The following SPTBN4 variants were observed in gnomAD, a reference collection of about 807,000 sequenced individuals.
SPTBN4 encodes the protein spectrin beta, non-erythrocytic 4.
In SPTBN4, 96 loss-of-function variants were observed where a neutral mutation model predicts 277.8. That is an observed-to-expected ratio of 0.35 (90% CI 0.29 to 0.41). The LOEUF is 0.41. Among genes scored for constraint, SPTBN4 ranks in the 10% least tolerant of loss-of-function variants. The pLI, the probability that SPTBN4 is intolerant of heterozygous loss-of-function variation, is 1.00. For synonymous variants in SPTBN4, 1,481 were observed against 1,580.3 expected, an observed-to-expected ratio of 0.94 and a Z score of 1.49; for missense variants, 3,006 against 3,595.7, an observed-to-expected ratio of 0.84 and a Z score of 4.19.
Position 40,497,549 on chromosome 19 carries a change from A to G in SPTBN4, c.729A>G (p.Arg243=), listed in dbSNP as rs1424248193. The stretch of plus-strand genomic sequence containing the variant: ...CCAATGCCAACTACAACCTGCAGAG[A>G]GCCTTCCGCACAGCTGAGCAGCACC... ...TKSNANYNLQ[R]AFRTAEQHLG... is the part of the protein sequence containing the mutation. The change falls in exon 7 of 36, where the codon AGA becomes AGG. Residue 243 remains arginine (R), a synonymous_variant. Transcript: ENST00000598249. The G allele has an allele frequency of 6.2e-7, 1 of 1,614,006 alleles. No individual in the cohort carries two copies. Among genetic ancestry groups the G allele is most frequent in the Non-Finnish European group, 8.5e-7 (1 of 1,180,002 alleles).
At chr19:40,520,242 G>A in intron 16 of SPTBN4, 91 bp downstream of exon 16, 1 of 1,275,146 alleles carries the variant, frequency 7.8e-7, no homozygotes, top group East Asian at 3.2e-5. Context: ...GGGGAGGAGG[G>A]TGTTTCCTGG....
At position 40,575,552 on chromosome 19, in the gene SPTBN4, A is replaced by G. The variant is rs761666154; in HGVS notation, c.7678A>G (p.Ser2560Gly). 12 of 1,610,896 alleles carry G rather than the reference A, an allele frequency of 7.4e-6. No homozygotes were observed. The Admixed American group carries it at 2.0e-4, about 27-fold the overall frequency. The change falls in exon 36 of 36, where the codon AGC becomes GGC. Residue 2560 changes from serine to glycine, a missense_variant. By Grantham distance (56) the Ser-to-Gly change is moderately conservative. Around this residue, in one of 5 missense-constraint regions of SPTBN4, gnomAD observed 630 missense variants for 677.6 expected, o/e 0.93. Transcript: ENST00000598249. Reference sequence around the variant, plus strand: ...GAGGGAAGGCGGAGATCGCAGGGCCAGCGGGCGCAGGAAGTGACTTCCCAC... The same window carrying G: ...GAGGGAAGGCGGAGATCGCAGGGCCGGCGGGCGCAGGAAGTGACTTCCCAC... ...PKREGGDRRA[S>G]GRRK
chr19:40,545,644 A>G (rs934761939), intron 20 of SPTBN4, among the ~76,000 whole-genome samples: 7 of 151,670 alleles, frequency 4.6e-5, no homozygotes, highest in African/African-American at 1.7e-4. Flanking sequence ...GCAGTGGCTC[A>G]CTCCTGTAAT....
rs534440556 is a variant in SPTBN4, at chr19:40,574,521, C to T, written c.7537-890C>T. Among the ~76,000 whole-genome samples, 392 of 152,064 alleles carry T rather than the reference C, an allele frequency of 2.6e-3. 2 individuals are homozygous for T. Among genetic ancestry groups the T allele is most frequent in the Non-Finnish European group, 3.9e-3 (267 of 67,994 alleles). ...GGATTACAGGCTTGCGCCACCATGC[C>T]CGGCTAATTTATGTATTTTTAGTAG... On this transcript the variant is annotated intron_variant, in intron 35 of 35. Transcript: ENST00000598249.
chr19:40,482,886 G>A (rs1421110930), intron 2 of SPTBN4, among the ~76,000 whole-genome samples: 3 of 152,002 alleles, frequency 2.0e-5, no homozygotes, highest in Non-Finnish European at 4.4e-5. Context: ...GCTTGAACCT[G>A]GGGGGTGGAG....
At position 40,519,468 on chromosome 19, in the gene SPTBN4, A is replaced by G. The variant is rs1048648954; in HGVS notation, c.2971A>G (p.Asn991Asp). The change falls in exon 16 of 36, where the codon AAC becomes GAC. Residue 991 changes from asparagine to aspartate, a missense_variant. Around this residue, in one of 5 missense-constraint regions of SPTBN4, gnomAD observed 1,759 missense variants for 2,061.5 expected, o/e 0.85. Coordinates refer to ENST00000598249, the MANE Select transcript of SPTBN4 (RefSeq NM_020971.3). This position sits in a 1 kb window ranked among gnomAD's most constrained non-coding sequence, Gnocchi z 5.7. The part of the protein sequence containing the change: ...EEMSAVLLVE[N>D]HVLEVAEVRA... ...AATGAGCGCGGTGCTGCTGGTGGAG[A>G]ACCACGTGCTGGAGGTGGCCGAGGT... 1.9e-6 allele frequency: 3 copies of G among 1,607,274 alleles called. No homozygotes were observed. In the African/African-American group the frequency reaches 4.0e-5, roughly 22 times the overall value.
At chr19:40,558,850 T>A (rs1030798875) in intron 26 of SPTBN4, among the ~76,000 whole-genome samples, 1 of 151,460 alleles carries the variant, frequency 6.6e-6, no homozygotes, top group East Asian at 1.9e-4. Context: ...TCAGGTGATC[T>A]ACCCGTCTCG....
chr19:40,492,038 A>G (rs2080143494), intron 4 of SPTBN4, among the ~76,000 whole-genome samples: 1 of 138,916 alleles, frequency 7.2e-6, no homozygotes, highest in Non-Finnish European at 1.5e-5. Context: ...AACAAAAACA[A>G]AACAAAAAAA....
At chr19:40,567,606 C>G (rs1333895327) in intron 30 of SPTBN4, 57 bp from the exon 31 acceptor site, 1 of 1,344,764 alleles carries the variant, frequency 7.4e-7, no homozygotes, top group Non-Finnish European at 9.8e-7. Context: ...CCGGACCTCC[C>G]CCTTACCCCG....
At chr19:40,472,874 GA>G in intron 2 of SPTBN4, 84 bp downstream of exon 2, 4 of 1,358,114 alleles carry the variant, frequency 2.9e-6, no homozygotes, top group East Asian at 2.5e-5. Context: ...GGGAGGGTGG[GA>G]AAAGAGACCA....
chr19:40,504,148 C>CCCCCCCCA lies in SPTBN4; in HGVS notation c.1665+16_1665+17insCCCCCCCA. 24 of 645,682 alleles carry CCCCCCCCA rather than the reference C, an allele frequency of 3.7e-5. No individual in the cohort carries two copies. The highest frequency in any genetic ancestry group is 1.5e-4 in the African/African-American group (2 of 13,342). 40.0% of individuals were successfully genotyped at this position (645,682 alleles called of 1,614,324 possible). Reference sequence around the variant, plus strand: ...GGAGATGCAGGTGCCGGCGGGGGGGCGGGGATGCGGGTGGAGTGCCAGGAG... The same window carrying CCCCCCCCA: ...GGAGATGCAGGTGCCGGCGGGGGGGCCCCCCCCAGGGGATGCGGGTGGAGTGCCAGGAG... On this transcript the variant is annotated intron_variant, in intron 12 of 35. Coordinates refer to ENST00000598249, the MANE Select transcript of SPTBN4 (RefSeq NM_020971.3).
Position 40,516,890 on chromosome 19 carries a change from A to G in SPTBN4, c.2903+1442A>G, listed in dbSNP as rs1449465099. Among the ~76,000 whole-genome samples the G allele has an allele frequency of 2.0e-5, 3 of 152,304 alleles. No individual in the cohort carries two copies. In the East Asian group the frequency reaches 5.8e-4, roughly 29 times the overall value. On this transcript the variant is annotated intron_variant, in intron 15 of 35. Transcript: ENST00000598249. ...GCCTCCTCCCACCTTGGCCTTCCAA[A>G]GAGCTGGGATTACAGTGTAAGCTAC...
Position 40,523,578 on chromosome 19 carries a change from C to G in SPTBN4, c.3796C>G (p.Leu1266Val). The G allele has an allele frequency of 3.7e-6, 6 of 1,614,170 alleles. No individual in the cohort carries two copies. The highest frequency in any genetic ancestry group is 5.1e-6 in the Non-Finnish European group (6 of 1,180,026). The change falls in exon 17 of 36, where the codon CTG (leucine) becomes GTG (valine). Residue 1266 changes from leucine (L) to valine (V), a missense_variant. Coordinates refer to ENST00000598249, the MANE Select transcript of SPTBN4 (RefSeq NM_020971.3). ...GGCCGTGCAGGCTGCAGAGGGCCTG[C>G]TGAGGCAGGGCAACATCTACGGGGA... ...QVAVQAAEGL[L>V]RQGNIYGEQA...
chr19:40,518,524 G>A (rs1275709188), intron 15 of SPTBN4, among the ~76,000 whole-genome samples: 1 of 151,780 alleles, frequency 6.6e-6, no homozygotes, highest in Admixed American at 6.6e-5. Flanking sequence ...CCTCGACTTC[G>A]CAGGCTCCAG....
Position 40,570,025 on chromosome 19 carries a change from CACAG to C in SPTBN4, c.7026+303_7026+306del, listed in dbSNP as rs1312297105. On this transcript the variant is annotated intron_variant, in intron 32 of 35. Transcript: ENST00000598249. ...ACAGACACACAGACACAGATACACA[CACAG>C]ACACACACACACAGACTCTTCCCAC... Among the ~76,000 whole-genome samples, 4 of 151,388 alleles carry C rather than the reference CACAG, an allele frequency of 2.6e-5. No individual in the cohort carries two copies. In the East Asian group the frequency reaches 5.8e-4, roughly 22 times the overall value.
At chr19:40,566,475 G>A in intron 30 of SPTBN4, 116 bp downstream of exon 30, 1 of 967,840 alleles carries the variant, frequency 1.0e-6, no homozygotes, top group Non-Finnish European at 1.4e-6. Context: ...TTGTGTGAGT[G>A]CCAAGACAGA....
In SPTBN4 at chr19:40,550,504, A is replaced by AT. The variant is rs35964729; in HGVS notation, c.4674+193dup. Among the ~76,000 whole-genome samples, 1,018 of 141,352 alleles carry AT rather than the reference A, an allele frequency of 7.2e-3. 14 individuals are homozygous for AT. Among genetic ancestry groups the AT allele is most frequent in the Non-Finnish European group, 6.2e-3 (404 of 65,010 alleles). The allele number at this position is 141,352 out of a possible 152,430, so 92.7% of individuals were successfully genotyped here. A position where few individuals can be genotyped will look rare whatever the true frequency, so the allele number is the denominator to read the frequency against. ...ATATATTTTCATGACTCTTGGCTCT[A>AT]TTTTTTTTTTTTTTTTGAGATGGAG... On this transcript the variant is annotated intron_variant, in intron 22 of 35. Coordinates refer to ENST00000598249, the MANE Select transcript of SPTBN4 (RefSeq NM_020971.3).
At chr19:40,503,736 G>A in intron 11 of SPTBN4, 94 bp from the exon 12 acceptor site, 1 of 1,345,174 alleles carries the variant, frequency 7.4e-7, no homozygotes, top group Non-Finnish European at 1.0e-6. Flanking sequence ...AGTCTCCAAG[G>A]TAATGGAGTG....
At chr19:40,556,943 C>T in intron 25 of SPTBN4, 80 bp from the exon 26 acceptor site, 1 of 1,468,398 alleles carries the variant, frequency 6.8e-7, no homozygotes, top group South Asian at 1.4e-5. Context: ...GAAAAAAAAA[C>T]ATTGTAGGCT....
Sources: allele counts gnomAD v4.1 joint callset (sites outside exome capture counted in the v4.1 genomes callset), GRCh38; gene constraint gnomAD v4.1.1; regional missense constraint gnomAD v4.1.1; non-coding constraint Gnocchi (gnomAD v3.1); transcripts MANE v1.5; gene names NCBI Gene and HGNC (gene_info 2026-07-23, HGNC 2026-07-21).